Variants in MRC1 observed in about 807,000 individuals in gnomAD.
MRC1 encodes the protein macrophage mannose receptor 1.
A neutral mutation model predicts 102.9 loss-of-function variants in MRC1; 62 were observed. The ratio of observed to expected loss-of-function variants is 0.60; its 90% CI spans 0.49 to 0.74. The LOEUF (loss-of-function observed/expected upper bound fraction) is 0.74. MRC1 is among the 30% of genes least tolerant of loss of function. The pLI, the probability that MRC1 is intolerant of heterozygous loss-of-function variation, is 0.00. For synonymous variants in MRC1, 457 were observed against 298.4 expected (o/e 1.53, Z -5.48); for missense variants, 1,237 against 862.8 (o/e 1.43, Z -5.43).
rs1833091059 is a variant in MRC1 at position 17,856,267 on chromosome 10, G to A, written c.1433G>A (p.Cys478Tyr). ...GKDGYWADRG[C>Y]EWPLGYICKM... ...GATGGGTACTGGGCAGATCGGGGCT[G>A]TGAGTGGCCTCTTGGCTACATCTGC... Residue 478 changes from cysteine (C) to tyrosine (Y), a missense_variant, in exon 9 of 30, where the codon TGT becomes TAT. Physicochemically the swap from Cys to Tyr is radical, Grantham distance 194. Transcript: ENST00000569591. 1.2e-6 allele frequency: 1 copy of A among 867,096 alleles called. No individual in the cohort carries two copies. Among genetic ancestry groups the A allele is most frequent in the Non-Finnish European group, 2.0e-6 (1 of 499,332 alleles). The allele number at this position is 867,096 out of a possible 1,614,324, so 53.7% of individuals were successfully genotyped here.
At chr10:17,852,898 G>C (rs1389638819) in intron 7 of MRC1, 69 bp from the exon 8 acceptor site, 2 of 780,038 alleles carry the variant, frequency 2.6e-6, no homozygotes, top group East Asian at 4.9e-5. Flanking sequence ...AGTGCCTTCC[G>C]TTCCTTTTAC....
chr10:17,836,007 C>G (rs1192853742), intron 4 of MRC1, among the ~76,000 whole-genome samples: 1 of 152,234 alleles, frequency 6.6e-6, no homozygotes, highest in Admixed American at 6.5e-5. Context: ...AGCAAAGATT[C>G]TGCAGCCAGA....
chr10:17,883,470 GTTTTT>G (rs1214384820), intron 21 of MRC1, among the ~76,000 whole-genome samples: 1 of 141,350 alleles, frequency 7.1e-6, no homozygotes, highest in South Asian at 2.3e-4. Context: ...CGGTGGAAGA[GTTTTT>G]TTTTTTTTTT....
chr10:17,849,731 G>T lies in MRC1; in HGVS notation c.1216G>T (p.Glu406Ter). Residue 406 changes from glutamate (E) to a stop codon, truncating the protein, a stop_gained, in exon 7 of 30, where the codon GAA becomes TAA. Transcript: ENST00000569591. LOFTEE classifies it high-confidence loss of function. ...GDLTSIHTIE[E>*]LDFIISQLGY... ...CCTCACAAGTATCCACACCATCGAG[G>T]AATTGGACTTTATTATCTCCCAGCT... is the stretch of plus-strand genomic sequence containing the variant. 1.3e-6 allele frequency: 1 copy of T among 780,918 alleles called. No individual in the cohort carries two copies. The highest frequency in any genetic ancestry group is 2.4e-6 in the Non-Finnish European group (1 of 418,088). 48.4% of individuals were successfully genotyped at this position (780,918 alleles called of 1,614,324 possible).
intron 18 of MRC1, among the ~76,000 whole-genome samples, chr10:17,879,240 C>T (rs1184396833): frequency 7.9e-5 from 12 of 152,266 alleles, no homozygotes; most frequent in East Asian, 1.9e-4. Flanking sequence ...GTTGCTACTG[C>T]GGAGCATGAT....
chr10:17,828,634 A>C (rs2130602812), intron 3 of MRC1, among the ~76,000 whole-genome samples: 1 of 151,676 alleles, frequency 6.6e-6, no homozygotes, highest in South Asian at 2.1e-4. Context: ...AATGATAGTC[A>C]GGATACTCTT....
chr10:17,833,803 A>G lies in MRC1; in HGVS notation c.766A>G (p.Ser256Gly). 1.3e-6 allele frequency: 1 copy of G among 781,124 alleles called. No homozygotes were observed. Among genetic ancestry groups the G allele is most frequent in the Non-Finnish European group, 2.4e-6 (1 of 418,146 alleles). 48.4% of individuals were successfully genotyped at this position (781,124 alleles called of 1,614,324 possible). Residue 256 changes from serine (S) to glycine (G), a missense_variant, in exon 4 of 30, where the codon AGC (serine) becomes GGC (glycine). Transcript: ENST00000569591. ...SCQQQNAELL[S>G]ITEIHEQTYL... Reference sequence around the variant, plus strand: ...CCAACAACAGAACGCTGAGCTCCTGAGCATCACAGAGATTCATGAGCAAAC... The same window carrying G: ...CCAACAACAGAACGCTGAGCTCCTGGGCATCACAGAGATTCATGAGCAAAC...
At chr10:17,906,479 A>G (rs1372279358) in intron 26 of MRC1, among the ~76,000 whole-genome samples, 1 of 152,006 alleles carries the variant, frequency 6.6e-6, no homozygotes, top group East Asian at 1.9e-4. Flanking sequence ...CTCTACTGAA[A>G]TTCTGTTTCC....
At chr10:17,882,075 G>T (rs1014116635) in intron 21 of MRC1, among the ~76,000 whole-genome samples, 246 of 152,100 alleles carry the variant, frequency 1.6e-3, no homozygotes, top group African/African-American at 5.7e-3. Flanking sequence ...CAAAAGAAAG[G>T]TACCCACCAT....
At position 17,863,521 on chromosome 10, in the gene MRC1, C is replaced by A; in HGVS notation, c.1635-13C>A. Reference sequence around the variant, plus strand: ...TCAAAAACTTAATTGAATGTTAATTCTTCTTTTTAAAGATATGAACAAGCC... The same window carrying A: ...TCAAAAACTTAATTGAATGTTAATTATTCTTTTTAAAGATATGAACAAGCC... On this transcript the variant is annotated splice_polypyrimidine_tract_variant and intron_variant, in intron 10 of 29. Transcript: ENST00000569591. The A allele has an allele frequency of 2.6e-6, 2 of 780,348 alleles. No homozygotes were observed. Among genetic ancestry groups the A allele is most frequent in the East Asian group, 4.8e-5 (2 of 41,240 alleles). 48.3% of individuals were successfully genotyped at this position (780,348 alleles called of 1,614,324 possible).
At chr10:17,878,075 AG>A in intron 18 of MRC1, 108 bp downstream of exon 18, 2 of 722,830 alleles carry the variant, frequency 2.8e-6, no homozygotes, top group South Asian at 3.2e-5. Context: ...AAAATCCTAC[AG>A]CATTCTCAAT....
At chr10:17,847,192 T>C (rs958395811) in intron 6 of MRC1, among the ~76,000 whole-genome samples, 31,522 of 152,160 alleles carry the variant, frequency 0.21, 3,607 homozygotes, top group Non-Finnish European at 0.25. Flanking sequence ...TACAATTCTC[T>C]TTCTAAGACT....
chr10:17,869,347 C>T (rs2130673975), intron 12 of MRC1, among the ~76,000 whole-genome samples: 1 of 152,104 alleles, frequency 6.6e-6, no homozygotes, highest in East Asian at 1.9e-4. Flanking sequence ...ACACCTTTGT[C>T]CACATAGCTT....
At chr10:17,883,522 G>A (rs1002649872) in intron 21 of MRC1, among the ~76,000 whole-genome samples, 3,374 of 151,694 alleles carry the variant, frequency 0.022, 143 homozygotes, top group East Asian at 0.2. Context: ...TCTCTGAGAC[G>A]GTAGCTGCCT....
intron 1 of MRC1, among the ~76,000 whole-genome samples, chr10:17,813,217 G>A (rs1189165897): frequency 2.0e-5 from 3 of 152,126 alleles, no homozygotes; most frequent in African/African-American, 7.2e-5. Flanking sequence ...TAGATTTCTT[G>A]CTGCGCTGTT....
chr10:17,814,900 G>A (rs1838287230), intron 1 of MRC1, among the ~76,000 whole-genome samples: 1 of 151,676 alleles, frequency 6.6e-6, no homozygotes, highest in African/African-American at 2.4e-5. Context: ...CCTGACCTCA[G>A]GTGATCCCTC....
chr10:17,874,100 G>A (rs1388746473), intron 16 of MRC1, among the ~76,000 whole-genome samples: 1 of 152,156 alleles, frequency 6.6e-6, no homozygotes, highest in Non-Finnish European at 1.5e-5. Flanking sequence ...GTGTCCACAG[G>A]CTGCTGTAAC....
chr10:17,835,141 C>T (rs1838643589), intron 4 of MRC1, among the ~76,000 whole-genome samples: 1 of 152,220 alleles, frequency 6.6e-6, no homozygotes. Flanking sequence ...CATTCTCACC[C>T]TCACATCTTT....
chr10:17,853,614 A>C (rs1589179067), intron 8 of MRC1, among the ~76,000 whole-genome samples: 1 of 150,404 alleles, frequency 6.6e-6, no homozygotes, highest in East Asian at 1.9e-4. Context: ...ATATATATAT[A>C]TGTAAAAAGA....
Sources: allele counts gnomAD v4.1 joint callset (sites outside exome capture counted in the v4.1 genomes callset), GRCh38; gene constraint gnomAD v4.1.1; transcripts MANE v1.5; gene names NCBI Gene and HGNC (gene_info 2026-07-23, HGNC 2026-07-21).